Variants in FGGY observed in about 807,000 individuals in gnomAD.
FGGY encodes the protein FGGY carbohydrate kinase domain containing, also known as FGGY carbohydrate kinase domain-containing protein.
Under a neutral mutation model 71.3 loss-of-function variants are expected in FGGY, and 72 were observed. The ratio of observed to expected loss-of-function variants is 1.01; its 90% CI spans 0.84 to 1.23. The LOEUF is 1.23. Among genes scored for constraint, FGGY ranks in the 50% most tolerant of loss-of-function variants. The pLI is 0.00. For synonymous variants in FGGY, 251 were observed against 250.3 expected, an observed-to-expected ratio of 1.00 and a Z score of -0.02; for missense variants, 668 against 682.3, an observed-to-expected ratio of 0.98 and a Z score of 0.23.
intron 8 of FGGY, among the ~76,000 whole-genome samples, chr1:59,595,119 ATTCTGCTAC>A: frequency 6.6e-6 from 1 of 152,302 alleles, no homozygotes; most frequent in East Asian, 1.9e-4. Context: ...TCAAATCCCC[ATTCTGCTAC>A]TTGGTACCTG....
At chr1:59,398,484 C>T (rs1203343746) in intron 5 of FGGY, among the ~76,000 whole-genome samples, 2 of 152,198 alleles carry the variant, frequency 1.3e-5, no homozygotes, top group Admixed American at 1.3e-4. Flanking sequence ...AATGATCCAC[C>T]TGCCTCAGCC....
intron 11 of FGGY, among the ~76,000 whole-genome samples, chr1:59,645,388 G>A (rs2097083626): frequency 6.6e-6 from 1 of 152,160 alleles, no homozygotes; most frequent in African/African-American, 2.4e-5. Flanking sequence ...TGAACCCTGA[G>A]CAGCCAGCCG....
chr1:59,359,974 G>C (rs909179649), intron 4 of FGGY, among the ~76,000 whole-genome samples: 2 of 152,068 alleles, frequency 1.3e-5, no homozygotes, highest in Non-Finnish European at 2.9e-5. Flanking sequence ...TGGCATGGAC[G>C]TACATTTTTT....
At position 59,735,149 on chromosome 1, in the gene FGGY, G is replaced by A. The variant is rs552309261; in HGVS notation, c.1513-22782G>A. Among the ~76,000 whole-genome samples, 14 of 152,180 alleles carry A rather than the reference G, an allele frequency of 9.2e-5. No individual in the cohort carries two copies. In the South Asian group the frequency reaches 1.7e-3, roughly 18 times the overall value. On this transcript the variant is annotated intron_variant, in intron 14 of 15. Coordinates refer to ENST00000303721, the MANE Select transcript of FGGY (RefSeq NM_018291.5). Reference sequence around the variant, plus strand: ...AGACTTCTCACAGTGATTCGAGAACGTTCACACACACATACGCACACAAAA... The same window carrying A: ...AGACTTCTCACAGTGATTCGAGAACATTCACACACACATACGCACACAAAA...
chr1:59,340,734 A>G (rs1210973240), intron 3 of FGGY, among the ~76,000 whole-genome samples: 2 of 152,222 alleles, frequency 1.3e-5, no homozygotes, highest in Non-Finnish European at 2.9e-5. Context: ...TACAAACCCG[A>G]AAGTCTATTA....
At chr1:59,334,719 T>A (rs1410112311) in intron 2 of FGGY, among the ~76,000 whole-genome samples, 3 of 152,178 alleles carry the variant, frequency 2.0e-5, no homozygotes, top group African/African-American at 4.8e-5. Context: ...TAATTATATA[T>A]TTTAAGGTGA....
At chr1:59,299,378 G>C (rs1168505501) in intron 1 of FGGY, among the ~76,000 whole-genome samples, 4 of 152,150 alleles carry the variant, frequency 2.6e-5, no homozygotes, top group African/African-American at 9.7e-5. Flanking sequence ...TATCTCCAGG[G>C]CAAACAGTGA....
At chr1:59,742,636 A>C (rs1256454691) in intron 14 of FGGY, among the ~76,000 whole-genome samples, 2 of 152,358 alleles carry the variant, frequency 1.3e-5, no homozygotes, top group East Asian at 3.9e-4. Context: ...ATCTAAGCAT[A>C]TTAAAATCTG....
At chr1:59,461,114 A>C (rs1333633376) in intron 6 of FGGY, among the ~76,000 whole-genome samples, 1 of 152,178 alleles carries the variant, frequency 6.6e-6, no homozygotes, top group African/African-American at 2.4e-5. Flanking sequence ...GGTAATAACA[A>C]ACTTCTCCGA....
chr1:59,499,299 G>GTTTTTTTGTTT (rs2094146439), intron 6 of FGGY, among the ~76,000 whole-genome samples: 1 of 105,804 alleles, frequency 9.5e-6, no homozygotes, highest in Non-Finnish European at 1.8e-5. Context: ...TACTATGTTT[G>GTTTTTTTGTTT]TTTTTTTTTT....
rs183647754 is a variant in FGGY, at chr1:59,539,184, T to C, written c.800-14940T>C. Among the ~76,000 whole-genome samples, 336 of 152,296 alleles carry C rather than the reference T, an allele frequency of 2.2e-3. 1 individual carries two copies. Among genetic ancestry groups the C allele is most frequent in the African/African-American group, 7.8e-3 (323 of 41,564 alleles). On this transcript the variant is annotated intron_variant, in intron 7 of 15. Coordinates refer to ENST00000303721, the MANE Select transcript of FGGY (RefSeq NM_018291.5). The stretch of plus-strand genomic sequence containing the variant: ...TGATTGGAAAACAGTATTATAAATG[T>C]GACAGTTTCTTCCCGGTTGTTCTAT...
At chr1:59,401,877 G>A (rs1052648908) in intron 5 of FGGY, among the ~76,000 whole-genome samples, 1 of 152,224 alleles carries the variant, frequency 6.6e-6, no homozygotes, top group African/African-American at 2.4e-5. Flanking sequence ...TTATGGAGAG[G>A]AGGAGGAAGG....
At chr1:59,356,819 C>T (rs79779644) in intron 4 of FGGY, among the ~76,000 whole-genome samples, 3,734 of 152,178 alleles carry the variant, frequency 0.025, 176 homozygotes, top group African/African-American at 0.086. Flanking sequence ...GTCCTGTTAC[C>T]GGAGTCACAG....
intron 4 of FGGY, among the ~76,000 whole-genome samples, chr1:59,359,209 T>C (rs1028835753): frequency 6.6e-6 from 1 of 152,242 alleles, no homozygotes; most frequent in African/African-American, 2.4e-5. Context: ...TCATTTTTAG[T>C]ATTATTACTT....
intron 14 of FGGY, among the ~76,000 whole-genome samples, chr1:59,727,391 C>G (rs1438044008): frequency 6.6e-6 from 1 of 152,126 alleles, no homozygotes; most frequent in Non-Finnish European, 1.5e-5. Flanking sequence ...GATTTCTTTT[C>G]CTTTGGATGT....
intron 14 of FGGY, among the ~76,000 whole-genome samples, chr1:59,709,078 G>A (rs901216372): frequency 1.1e-4 from 17 of 150,706 alleles, no homozygotes; most frequent in East Asian, 6.0e-4. Flanking sequence ...ACACACACAC[G>A]CGCGCGCGCA....
intron 7 of FGGY, among the ~76,000 whole-genome samples, chr1:59,530,983 C>G (rs375913428): frequency 5.3e-5 from 8 of 152,130 alleles, no homozygotes; most frequent in African/African-American, 1.9e-4. Flanking sequence ...AAGGCAGTAT[C>G]AATGGAACAA....
At chr1:59,305,030 C>G (rs543980654) in intron 1 of FGGY, among the ~76,000 whole-genome samples, 1 of 152,090 alleles carries the variant, frequency 6.6e-6, no homozygotes, top group Non-Finnish European at 1.5e-5. Context: ...CCCTTCCTTT[C>G]CAATCTGGAT....
intron 4 of FGGY, among the ~76,000 whole-genome samples, chr1:59,348,690 A>G (rs998777954): frequency 1.3e-5 from 2 of 152,184 alleles, no homozygotes; most frequent in African/African-American, 4.8e-5. Flanking sequence ...AGGGTGCCTA[A>G]GGATTGCCAT....
Sources: gnomAD v4.1 joint callset for allele counts (sites outside exome capture counted in the v4.1 genomes callset) on GRCh38, gnomAD v4.1.1 for gene constraint, MANE v1.5 for transcripts, NCBI Gene and HGNC (gene_info 2026-07-23, HGNC 2026-07-21) for gene names.